The following PRKCA variants were observed in gnomAD, a reference collection of about 807,000 sequenced individuals.
PRKCA encodes protein kinase C alpha.
Under a neutral mutation model 87.0 loss-of-function variants are expected in PRKCA, and 27 were observed. That is an observed-to-expected ratio of 0.31 (90% confidence interval 0.23 to 0.43). The LOEUF is 0.43. PRKCA is among the 20% of genes least tolerant of loss of function. The probability of loss-of-function intolerance (pLI) is 1.00; values close to 1 mark genes in which losing one functional copy is unlikely to be tolerated. For synonymous variants in PRKCA, 329 were observed against 311.1 expected (o/e 1.06, Z -0.61); for missense variants, 518 against 852.3 (o/e 0.61, Z 4.88).
At chr17:66,784,810 G>C (rs991172027) in intron 14 of PRKCA, among the ~76,000 whole-genome samples, 3 of 152,132 alleles carry the variant, frequency 2.0e-5, no homozygotes, top group Non-Finnish European at 2.9e-5. Flanking sequence ...TGATGGCACA[G>C]GTAGCTGTCC....
At chr17:66,667,631 G>C (rs1322556394) in intron 5 of PRKCA, among the ~76,000 whole-genome samples, 2 of 152,150 alleles carry the variant, frequency 1.3e-5, no homozygotes, top group Non-Finnish European at 2.9e-5. Context: ...TGCAGACACA[G>C]GGCCAAACCA....
chr17:66,672,994 G>A (rs1385810453), intron 5 of PRKCA, among the ~76,000 whole-genome samples: 1 of 152,096 alleles, frequency 6.6e-6, no homozygotes, highest in Non-Finnish European at 1.5e-5. Flanking sequence ...TATGATGGGT[G>A]CACCCGTTAC....
intron 2 of PRKCA, among the ~76,000 whole-genome samples, chr17:66,490,181 T>A (rs1283684409): frequency 6.6e-6 from 1 of 152,212 alleles, no homozygotes; most frequent in Non-Finnish European, 1.5e-5. Flanking sequence ...CCTATTCCTC[T>A]TATTTATAAT....
Position 66,804,213 on chromosome 17 carries a change from A to G in PRKCA, c.*176A>G. The G allele has an allele frequency of 1.2e-6, 1 of 801,070 alleles. No individual in the cohort carries two copies. The highest frequency in any genetic ancestry group is 1.8e-6 in the Non-Finnish European group (1 of 542,564). The allele number at this position is 801,070 out of a possible 1,614,324, so 49.6% of individuals were successfully genotyped here. A position where few individuals can be genotyped will look rare whatever the true frequency, so the allele number is the denominator to read the frequency against. ...CAACTGTTCAGGGTCTCTCTCTTAC[A>G]ACCAAGAACATTATCTTAGTGGAAG... On this transcript the variant is annotated 3_prime_UTR_variant, in exon 17 of 17. Coordinates refer to ENST00000413366, the MANE Select transcript of PRKCA (RefSeq NM_002737.3).
intron 8 of PRKCA, among the ~76,000 whole-genome samples, chr17:66,729,721 C>G (rs1335715956): frequency 6.6e-6 from 1 of 151,292 alleles, no homozygotes; most frequent in Non-Finnish European, 1.5e-5. Flanking sequence ...TGGGGGCACT[C>G]AACTCATCAG....
chr17:66,788,279 A>G (rs952501655), intron 15 of PRKCA, among the ~76,000 whole-genome samples: 1 of 152,206 alleles, frequency 6.6e-6, no homozygotes, highest in African/African-American at 2.4e-5. Flanking sequence ...TTCTGCCTTC[A>G]GAGAGTTCAT....
intron 2 of PRKCA, among the ~76,000 whole-genome samples, chr17:66,451,353 T>TTTAC (rs1914306350): frequency 9.6e-6 from 1 of 104,532 alleles, no homozygotes; most frequent in African/African-American, 3.4e-5. Context: ...AATTTATTTA[T>TTTAC]TTATTTATTT....
At chr17:66,661,683 A>T (rs550846760) in intron 5 of PRKCA, among the ~76,000 whole-genome samples, 75 of 152,250 alleles carry the variant, frequency 4.9e-4, no homozygotes, top group Non-Finnish European at 9.8e-4. Context: ...CTTTTTATTT[A>T]GAAGCTGTAA....
intron 2 of PRKCA, among the ~76,000 whole-genome samples, chr17:66,347,029 TAA>T (rs201832571): frequency 1.9e-4 from 26 of 139,678 alleles, no homozygotes; most frequent in Non-Finnish European, 2.2e-4. Context: ...AGACTCCATC[TAA>T]AAAAAAAAAA....
At chr17:66,736,830 C>T (rs1974041756) in intron 10 of PRKCA, among the ~76,000 whole-genome samples, 1 of 152,160 alleles carries the variant, frequency 6.6e-6, no homozygotes. Context: ...TGTTTTGGGA[C>T]ATCACCACAC....
intron 2 of PRKCA, among the ~76,000 whole-genome samples, chr17:66,464,773 C>G (rs1170939181): frequency 6.6e-6 from 1 of 152,034 alleles, no homozygotes; most frequent in Non-Finnish European, 1.5e-5. Flanking sequence ...ACTTCTTTAT[C>G]AGATTTATTT....
At chr17:66,743,433 G>A (rs1974201305) in intron 13 of PRKCA, among the ~76,000 whole-genome samples, 1 of 152,244 alleles carries the variant, frequency 6.6e-6, no homozygotes, top group Non-Finnish European at 1.5e-5. Context: ...CAGCATCGCG[G>A]TGATGACTGT....
At chr17:66,370,440 C>T (rs2143530594) in intron 2 of PRKCA, among the ~76,000 whole-genome samples, 1 of 151,140 alleles carries the variant, frequency 6.6e-6, no homozygotes, top group East Asian at 2.0e-4. Flanking sequence ...CAGTGGTTAA[C>T]AGTTAGTGAG....
chr17:66,800,517 A>G (rs1975876800), intron 16 of PRKCA, among the ~76,000 whole-genome samples: 1 of 152,132 alleles, frequency 6.6e-6, no homozygotes, highest in Non-Finnish European at 1.5e-5. Flanking sequence ...GATGTCCTCA[A>G]GCCTCCCTCT....
intron 3 of PRKCA, among the ~76,000 whole-genome samples, chr17:66,516,085 G>A (rs984954038): frequency 1.2e-4 from 19 of 152,324 alleles, no homozygotes; most frequent in African/African-American, 4.6e-4. Context: ...AGCAAAGCAT[G>A]TGTATTAATA....
chr17:66,585,340 G>A (rs562579649), intron 3 of PRKCA, among the ~76,000 whole-genome samples: 62 of 152,218 alleles, frequency 4.1e-4, no homozygotes, highest in African/African-American at 1.3e-3. Context: ...CAGAGCTGCC[G>A]GCATTCACCC....
chr17:66,608,280 A>G (rs227916), intron 3 of PRKCA, among the ~76,000 whole-genome samples: 152,151 of 152,290 alleles, frequency 1, 76,008 homozygotes, highest in Middle Eastern at 1. Flanking sequence ...GGTGGAGTGG[A>G]GGGCCTCACT....
intron 3 of PRKCA, among the ~76,000 whole-genome samples, chr17:66,556,323 CTTTT>C (rs61549626): frequency 5.4e-5 from 7 of 128,990 alleles, no homozygotes; most frequent in Admixed American, 8.0e-5. Flanking sequence ...CTTTCTTCTT[CTTTT>C]TTTTTTTTTT....
chr17:66,436,433 T>C (rs1240677304), intron 2 of PRKCA, among the ~76,000 whole-genome samples: 1 of 152,214 alleles, frequency 6.6e-6, no homozygotes, highest in Non-Finnish European at 1.5e-5. Flanking sequence ...CAGAAGGTGG[T>C]GGCGAGGATT....
Sources: allele counts gnomAD v4.1 joint callset (sites outside exome capture counted in the v4.1 genomes callset), GRCh38; gene constraint gnomAD v4.1.1; transcripts MANE v1.5; gene names NCBI Gene and HGNC (gene_info 2026-07-23, HGNC 2026-07-21).